Variants in SORBS2 observed in about 807,000 individuals in gnomAD.
SORBS2 encodes the protein sorbin and SH3 domain containing 2.
In SORBS2, 46 loss-of-function variants were observed where a neutral mutation model predicts 97.7. That is an observed-to-expected ratio of 0.47 (90% CI 0.37 to 0.60). The LOEUF is 0.60. Ranked by LOEUF, SORBS2 falls within the 20% of genes least tolerant of loss-of-function variation. The pLI is 0.00. For synonymous variants in SORBS2, 476 were observed against 473.4 expected (o/e 1.01, Z -0.07); for missense variants, 1,316 against 1,282.3 (o/e 1.03, Z -0.40).
chr4:185,712,540 C>T (rs945249694), intron 2 of SORBS2, among the ~76,000 whole-genome samples: 23 of 152,270 alleles, frequency 1.5e-4, no homozygotes, highest in African/African-American at 4.1e-4. Context: ...GCGGGGGTAG[C>T]TGCCTCATGC....
exon 15 of SORBS2, chr4:185,586,673 A>G (rs1287455647): frequency 3.9e-5 from 6 of 152,690 alleles, no homozygotes; most frequent in Non-Finnish European, 8.8e-5. Flanking sequence ...GTGTACACAC[A>G]GTGAAATCTT....
In SORBS2 at chr4:185,912,585, C is replaced by CA. The variant is rs60906233; in HGVS notation, c.-338+43610dup. Among the ~76,000 whole-genome samples, 239 of 64,366 alleles carry CA rather than the reference C, an allele frequency of 3.7e-3. 10 individuals are homozygous for CA. Among genetic ancestry groups the CA allele is most frequent in the African/African-American group, 0.011 (169 of 15,628 alleles). The allele number at this position is 64,366 out of a possible 152,430, so 42.2% of individuals were successfully genotyped here. A position where few individuals can be genotyped will look rare whatever the true frequency, so the allele number is the denominator to read the frequency against. ...GGGCAACAAGAACGAAACTCCATCT[C>CA]AAAAAAAAAAAAAAAAAAAAAAAAA... On this transcript the variant is annotated intron_variant, in intron 1 of 20. Coordinates refer to the SORBS2 transcript ENST00000284776.
At chr4:185,941,175 G>GTTTTTACATTTAT (rs1554055481) in intron 1 of SORBS2, among the ~76,000 whole-genome samples, 1 of 152,138 alleles carries the variant, frequency 6.6e-6, no homozygotes, top group East Asian at 1.9e-4. Flanking sequence ...CCATTCTAAA[G>GTTTTTACATTTAT]TTTTTACATT....
chr4:185,611,080 G>T (rs933666495), intron 12 of SORBS2, among the ~76,000 whole-genome samples: 1 of 151,988 alleles, frequency 6.6e-6, no homozygotes, highest in Non-Finnish European at 1.5e-5. Flanking sequence ...TCTTTAGCCC[G>T]CTCAAGTGAA....
At chr4:185,610,564 T>C (rs970475892) in intron 12 of SORBS2, among the ~76,000 whole-genome samples, 3 of 152,128 alleles carry the variant, frequency 2.0e-5, no homozygotes, top group Admixed American at 2.0e-4. Context: ...ATGCCAAGAC[T>C]TCAGCCTTCT....
At chr4:185,793,807 C>T (rs928394686) in intron 1 of SORBS2, among the ~76,000 whole-genome samples, 4 of 152,148 alleles carry the variant, frequency 2.6e-5, no homozygotes, top group Admixed American at 6.5e-5. Flanking sequence ...TATAAGAGAA[C>T]GACTGGTCCT....
At chr4:185,611,080 G>A (rs933666495) in intron 12 of SORBS2, among the ~76,000 whole-genome samples, 124 of 152,104 alleles carry the variant, frequency 8.2e-4, no homozygotes, top group African/African-American at 2.6e-3. Context: ...TCTTTAGCCC[G>A]CTCAAGTGAA....
At chr4:185,585,573 AC>A (rs2095793114) in exon 15 of SORBS2, 2 of 152,266 alleles carry the variant, frequency 1.3e-5, no homozygotes, top group South Asian at 4.1e-4. Flanking sequence ...AAACACAATG[AC>A]CTTTGCTTGT....
intron 2 of SORBS2, among the ~76,000 whole-genome samples, chr4:185,688,680 G>A (rs1280394648): frequency 6.6e-6 from 1 of 151,788 alleles, no homozygotes; most frequent in Non-Finnish European, 1.5e-5. Context: ...AGCTCTTTAG[G>A]AACAAATTCC....
chr4:185,692,260 G>A lies in SORBS2; in HGVS notation c.-197-13438C>T, dbSNP rs555053401. On this transcript the variant is annotated intron_variant, in intron 2 of 20. Transcript: ENST00000284776. The stretch of plus-strand genomic sequence containing the variant: ...GTTGAGTATCCACAAGAACCCCCCC[G>A]CACAGCACAACACACTCACAGCTTC... Among the ~76,000 whole-genome samples the A allele has an allele frequency of 2.0e-5, 3 of 152,186 alleles. No homozygotes were observed. In the South Asian group the frequency reaches 6.3e-4, roughly 32 times the overall value.
chr4:185,891,099 A>C (rs1226194332), intron 1 of SORBS2, among the ~76,000 whole-genome samples: 1 of 89,988 alleles, frequency 1.1e-5, no homozygotes, highest in African/African-American at 3.3e-5. Flanking sequence ...GATTCTGCTT[A>C]TTCTTTGTTT....
At chr4:185,658,655 T>C (rs1582020533), upstream of SORBS2, among the ~76,000 whole-genome samples, 1 of 151,812 alleles carries the variant, frequency 6.6e-6, no homozygotes, top group African/African-American at 2.4e-5. Context: ...CATGTATAAA[T>C]GTATTTTTCA....
chr4:185,652,463 C>T (rs1398767902), intron 2 of SORBS2, among the ~76,000 whole-genome samples, 199 bp downstream of exon 10: 1 of 152,140 alleles, frequency 6.6e-6, no homozygotes, highest in Admixed American at 6.5e-5. Context: ...GGCTTCTTGG[C>T]AGCTCAGGTG....
chr4:185,705,432 G>C (rs1237844005), intron 2 of SORBS2, among the ~76,000 whole-genome samples: 1 of 152,092 alleles, frequency 6.6e-6, no homozygotes. Context: ...TGTAGTCCCA[G>C]CTACTTGGGA....
intron 1 of SORBS2, among the ~76,000 whole-genome samples, chr4:185,831,293 G>A (rs1310498135): frequency 6.6e-6 from 1 of 152,194 alleles, no homozygotes; most frequent in African/African-American, 2.4e-5. Context: ...GCGGGTAGGT[G>A]GGGTGGCTTC....
At chr4:185,588,615 T>TCCTC (rs1554048205) in intron 14 of SORBS2, among the ~76,000 whole-genome samples, 9 of 149,112 alleles carry the variant, frequency 6.0e-5, no homozygotes, top group South Asian at 2.2e-4. Flanking sequence ...TCCCTCCTCC[T>TCCTC]CCTCCTCCTT....
At chr4:185,847,273 T>G (rs1212592447) in intron 1 of SORBS2, among the ~76,000 whole-genome samples, 2 of 152,198 alleles carry the variant, frequency 1.3e-5, no homozygotes, top group Non-Finnish European at 2.9e-5. Flanking sequence ...AATCTAATTT[T>G]GTTATTTCTC....
At position 185,652,860 on chromosome 4, in the gene SORBS2, C is replaced by A. The variant is rs955716647; in HGVS notation, c.25-132G>T. 8 of 714,436 alleles carry A rather than the reference C, an allele frequency of 1.1e-5. No individual in the cohort carries two copies. The Admixed American group carries it at 1.6e-4, about 14-fold the overall frequency. 44.3% of individuals were successfully genotyped at this position (714,436 alleles called of 1,614,324 possible). A position where few individuals can be genotyped will look rare whatever the true frequency, so the allele number is the denominator to read the frequency against. ...TGTGATAAAATGTTCTGACTCTTTG[C>A]TATGGCTTCATGACAGTTTCAGCAA... On this transcript the variant is annotated intron_variant, in intron 1 of 14. Coordinates refer to ENST00000418609, the Ensembl canonical transcript of SORBS2.
rs767035375 is a variant in SORBS2 at position 185,623,804 on chromosome 4, G to C, written c.1325C>G (p.Pro442Arg). ...CTTGGGACATAGGCCATTTTGCGGTGGTTCTAGGGTTACGGGAGACAGCAT... is the reference window on the plus strand; with the variant it reads ...CTTGGGACATAGGCCATTTTGCGGTCGTTCTAGGGTTACGGGAGACAGCAT... Residue 442 changes from proline (P) to arginine (R), a missense_variant, in exon 7 of 15, where the codon CCA becomes CGA. By Grantham distance (103) the Pro-to-Arg change is moderately radical. Coordinates refer to ENST00000418609, the Ensembl canonical transcript of SORBS2. This position sits in a 1 kb window ranked among gnomAD's most constrained non-coding sequence, Gnocchi z 6.4. The C allele has an allele frequency of 6.2e-7, 1 of 1,614,196 alleles. No homozygotes were observed. Among genetic ancestry groups the C allele is most frequent in the Admixed American group, 1.7e-5 (1 of 60,034 alleles).
Sources: gnomAD v4.1 joint callset for allele counts (sites outside exome capture counted in the v4.1 genomes callset) on GRCh38, gnomAD v4.1.1 for gene constraint, Gnocchi (gnomAD v3.1) non-coding constraint, MANE v1.5 for transcripts, NCBI Gene and HGNC (gene_info 2026-07-23, HGNC 2026-07-21) for gene names.